The following MON2 variants were observed in gnomAD, a reference collection of about 807,000 sequenced individuals.
MON2 encodes the protein protein MON2 homolog.
MON2 carries 84 observed loss-of-function variants against 208.6 expected under a neutral mutation model. The observed-to-expected ratio is 0.40, with a 90% CI of 0.34 to 0.48. The LOEUF (loss-of-function observed/expected upper bound fraction) is 0.48, where lower values mean the gene tolerates loss of function less well. Among genes scored for constraint, MON2 ranks in the 20% least tolerant of loss-of-function variants. The probability of loss-of-function intolerance (pLI) is 0.59; values close to 1 mark genes in which losing one functional copy is unlikely to be tolerated. For missense variants in MON2, 1,611 were observed against 2,015.4 expected (o/e 0.80, Z 3.84); for synonymous variants, 660 against 694.0 (o/e 0.95, Z 0.77).
At position 62,599,103 on chromosome 12, in the gene MON2, A is replaced by G. The variant is rs1456487518; in HGVS notation, c.*6354A>G. 1 of 139,084 alleles carries G rather than the reference A, an allele frequency of 7.2e-6. No homozygotes were observed. Among genetic ancestry groups the G allele is most frequent in the African/African-American group, 2.8e-5 (1 of 35,846 alleles). The allele number at this position is 139,084 out of a possible 1,614,324, so 8.6% of individuals were successfully genotyped here. A position where few individuals can be genotyped will look rare whatever the true frequency, so the allele number is the denominator to read the frequency against. ...ACGAGTAGTGAGTCACATGTTTAGG[A>G]TGATCACTTTGGGAAAAAAAAAATT... On this transcript the variant is annotated 3_prime_UTR_variant, in exon 35 of 35. Coordinates refer to ENST00000393630, the MANE Select transcript of MON2 (RefSeq NM_015026.3).
At chr12:62,592,538 T>A in intron 34 of MON2, 48 bp from the exon 35 acceptor site, 1 of 1,441,262 alleles carries the variant, frequency 6.9e-7, no homozygotes, top group Non-Finnish European at 9.5e-7. Flanking sequence ...AATTGAATAA[T>A]CTCTATTTAA....
At position 62,592,579 on chromosome 12, in the gene MON2, A is replaced by T. The variant is rs748934525; in HGVS notation, c.4991-7A>T. The T allele has an allele frequency of 6.3e-7, 1 of 1,579,860 alleles. No homozygotes were observed. The highest frequency in any genetic ancestry group is 8.7e-7 in the Non-Finnish European group (1 of 1,154,622). Reference sequence around the variant, plus strand: ...CCCTTTTGAGGTTTTATACTTTTGCATTACAGTTGATGGAAATACCTGGGC... The same window carrying T: ...CCCTTTTGAGGTTTTATACTTTTGCTTTACAGTTGATGGAAATACCTGGGC... On this transcript the variant is annotated splice_region_variant and splice_polypyrimidine_tract_variant and intron_variant, in intron 34 of 34. Transcript: ENST00000393630.
chr12:62,556,198 C>T lies in MON2; in HGVS notation c.3409+6C>T, dbSNP rs749283247. On this transcript the variant is annotated splice_donor_region_variant and intron_variant, in intron 25 of 34. Transcript: ENST00000393630. ...ATATTTGCTGCAGCCTTTAGGTATA[C>T]GTACATTTTTTTCTGATTATACAAG... 3.0e-5 allele frequency: 49 copies of T among 1,611,778 alleles called. No homozygotes were observed. In the South Asian group the frequency reaches 3.2e-4, roughly 11 times the overall value.
rs1383850276 is a variant in MON2 at position 62,553,011 on chromosome 12, C to T, written c.3047C>T (p.Pro1016Leu). Residue 1016 changes from proline (P) to leucine (L), a missense_variant, in exon 24 of 35, where the codon CCG becomes CTG. By Grantham distance (98) the Pro-to-Leu change is moderately conservative. Coordinates refer to ENST00000393630, the MANE Select transcript of MON2 (RefSeq NM_015026.3). ...TTAAATCGGCCATTCCACCCTGCAC[C>T]GCCATTTGATTGCTTGTGGTTATGT... ...VVLNRPFHPA[P>L]PFDCLWLCLY... 17 of 1,614,016 alleles carry T rather than the reference C, an allele frequency of 1.1e-5. No individual in the cohort carries two copies. The highest frequency in any genetic ancestry group is 1.6e-4 in the Middle Eastern group (1 of 6,082).
chr12:62,521,676 GA>G (rs1340409552), intron 8 of MON2, among the ~76,000 whole-genome samples: 1 of 152,048 alleles, frequency 6.6e-6, no homozygotes, highest in African/African-American at 2.4e-5. Flanking sequence ...GTGACTAGAG[GA>G]AATTAGAATT....
chr12:62,531,843 C>T (rs1463637920), intron 11 of MON2, among the ~76,000 whole-genome samples: 1 of 152,012 alleles, frequency 6.6e-6, no homozygotes, highest in East Asian at 1.9e-4. Flanking sequence ...AATCTCGGCT[C>T]ACTGCAAGCT....
At chr12:62,588,512 C>T (rs907930635) in intron 34 of MON2, among the ~76,000 whole-genome samples, 25 of 152,076 alleles carry the variant, frequency 1.6e-4, no homozygotes, top group African/African-American at 5.8e-4. Flanking sequence ...TACTGATTTA[C>T]TTTGCAGATA....
chr12:62,476,607 T>C (rs1448455393), intron 1 of MON2, among the ~76,000 whole-genome samples: 1 of 152,052 alleles, frequency 6.6e-6, no homozygotes, highest in East Asian at 1.9e-4. Flanking sequence ...GGCTAATTTT[T>C]TGTATTTTTA....
At chr12:62,561,821 A>G (rs942197868) in intron 26 of MON2, among the ~76,000 whole-genome samples, 1 of 152,096 alleles carries the variant, frequency 6.6e-6, no homozygotes, top group African/African-American at 2.4e-5. Flanking sequence ...GAGTAGATCT[A>G]GATTCTGATC....
chr12:62,480,172 T>G (rs539027801), intron 1 of MON2, among the ~76,000 whole-genome samples: 1 of 152,328 alleles, frequency 6.6e-6, no homozygotes, highest in South Asian at 2.1e-4. Flanking sequence ...TCTAATTATA[T>G]CTAAGGCAAC....
At chr12:62,580,494 C>G in intron 32 of MON2, 74 bp downstream of exon 32, 1 of 1,350,102 alleles carries the variant, frequency 7.4e-7, no homozygotes, top group South Asian at 1.3e-5. Flanking sequence ...ATGTTTAATC[C>G]TATGATTTTG....
chr12:62,505,065 A>T (rs2071032334), intron 7 of MON2, among the ~76,000 whole-genome samples: 1 of 152,180 alleles, frequency 6.6e-6, no homozygotes, highest in African/African-American at 2.4e-5. Flanking sequence ...TAGAAAAATA[A>T]GCTTTAAGGG....
intron 29 of MON2, among the ~76,000 whole-genome samples, chr12:62,568,490 C>T (rs535269076): frequency 1.4e-4 from 22 of 152,138 alleles, no homozygotes; most frequent in Admixed American, 7.9e-4. Flanking sequence ...AGGTGGGCAC[C>T]ACCACCCCCA....
rs142172743 is a variant in MON2, at chr12:62,570,642, A to G, written c.4324-750A>G. 7.3e-3 allele frequency among the ~76,000 whole-genome samples: 1,105 copies of G among 151,872 alleles called. 11 individuals carry two copies. Among genetic ancestry groups the G allele is most frequent in the African/African-American group, 0.019 (783 of 41,350 alleles). On this transcript the variant is annotated intron_variant, in intron 29 of 34. Coordinates refer to ENST00000393630, the MANE Select transcript of MON2 (RefSeq NM_015026.3). ...TATGTGGCAGATGACTGCATAAGCA[A>G]TATTGACCCTTTGCATATGGGATAT... is the stretch of plus-strand genomic sequence containing the variant.
chr12:62,571,938 A>T (rs2074609435), intron 30 of MON2, among the ~76,000 whole-genome samples: 1 of 152,240 alleles, frequency 6.6e-6, no homozygotes. Context: ...TATTACCAGA[A>T]TAAATAGGAT....
chr12:62,501,324 A>G (rs542545489), intron 6 of MON2, among the ~76,000 whole-genome samples: 29 of 152,218 alleles, frequency 1.9e-4, no homozygotes, highest in Non-Finnish European at 3.2e-4. Flanking sequence ...ATTTGAAATA[A>G]TGTTAGATTA....
intron 24 of MON2, among the ~76,000 whole-genome samples, chr12:62,554,399 G>A (rs958322238): frequency 3.3e-5 from 5 of 152,146 alleles, no homozygotes; most frequent in African/African-American, 9.7e-5. Context: ...CTGAGAATTT[G>A]AATTTCTATC....
chr12:62,510,581 A>G (rs1592914837), intron 8 of MON2, among the ~76,000 whole-genome samples: 1 of 152,234 alleles, frequency 6.6e-6, no homozygotes, highest in Non-Finnish European at 1.5e-5. Context: ...GGCAAAATTC[A>G]TCATCCTTTC....
intron 29 of MON2, among the ~76,000 whole-genome samples, chr12:62,567,003 A>G (rs1396509441): frequency 6.6e-6 from 1 of 152,234 alleles, no homozygotes; most frequent in African/African-American, 2.4e-5. Context: ...TTCACAATGC[A>G]GCCCATACAC....
Sources: allele counts gnomAD v4.1 joint callset (sites outside exome capture counted in the v4.1 genomes callset), GRCh38; gene constraint gnomAD v4.1.1; transcripts MANE v1.5; gene names NCBI Gene and HGNC (gene_info 2026-07-23, HGNC 2026-07-21).